CDH12: variants seen among roughly 807,000 people sequenced by gnomAD.
CDH12 encodes cadherin-12.
A neutral mutation model predicts 74.1 loss-of-function variants in CDH12; 41 were observed. The observed-to-expected ratio is 0.55, with a 90% CI of 0.43 to 0.72. The LOEUF (loss-of-function observed/expected upper bound fraction) is 0.72. Ranked by LOEUF, CDH12 falls within the 30% of genes least tolerant of loss-of-function variation. The pLI is 0.00. For synonymous variants in CDH12, 399 were observed against 355.0 expected (o/e 1.12, Z -1.39); for missense variants, 945 against 977.2 (o/e 0.97, Z 0.44).
At chr5:21,917,096 A>AT (rs935464466) in intron 6 of CDH12, among the ~76,000 whole-genome samples, 1 of 151,726 alleles carries the variant, frequency 6.6e-6, no homozygotes, top group African/African-American at 2.4e-5. Context: ...CACCTTTAAC[A>AT]TTTTTCAGGT....
At chr5:22,721,430 A>C (rs1743879059) in intron 1 of CDH12, among the ~76,000 whole-genome samples, 1 of 152,244 alleles carries the variant, frequency 6.6e-6, no homozygotes, top group African/African-American at 2.4e-5. Context: ...GAATGGCAGC[A>C]TTTACTTAAT....
chr5:22,456,419 G>A (rs1371377065), intron 2 of CDH12, among the ~76,000 whole-genome samples: 4 of 151,788 alleles, frequency 2.6e-5, no homozygotes, highest in East Asian at 1.9e-4. Flanking sequence ...CCAGGTCCTG[G>A]GAACTTCACA....
At chr5:22,384,750 C>A (rs1741929334) in intron 3 of CDH12, among the ~76,000 whole-genome samples, 1 of 151,904 alleles carries the variant, frequency 6.6e-6, no homozygotes, top group Non-Finnish European at 1.5e-5. Flanking sequence ...ATGCAATAGT[C>A]TTGATTAATA....
At chr5:22,509,698 G>A (rs149462966) in intron 1 of CDH12, among the ~76,000 whole-genome samples, 50 of 152,232 alleles carry the variant, frequency 3.3e-4, no homozygotes, top group East Asian at 3.1e-3. Context: ...CATGGAATGG[G>A]AATTAGAAGA....
At chr5:22,810,264 A>C (rs1226902809) in intron 1 of CDH12, among the ~76,000 whole-genome samples, 1 of 152,178 alleles carries the variant, frequency 6.6e-6, no homozygotes, top group Non-Finnish European at 1.5e-5. Context: ...TATACCGAGC[A>C]CACCAAAAAT....
chr5:22,620,387 G>A (rs1400949065), intron 1 of CDH12, among the ~76,000 whole-genome samples: 2 of 151,904 alleles, frequency 1.3e-5, no homozygotes, highest in South Asian at 4.1e-4. Flanking sequence ...TATTAGGAAG[G>A]TACAACAGTT....
At chr5:21,895,822 T>A (rs1579926350) in intron 6 of CDH12, among the ~76,000 whole-genome samples, 1 of 152,108 alleles carries the variant, frequency 6.6e-6, no homozygotes, top group East Asian at 1.9e-4. Context: ...TAACTGTGCA[T>A]GAGGGTACAG....
chr5:21,858,760 A>G (rs559602612), intron 6 of CDH12, among the ~76,000 whole-genome samples: 1 of 152,104 alleles, frequency 6.6e-6, no homozygotes, highest in South Asian at 2.1e-4. Context: ...GAGATTTTAG[A>G]TGGTAATCAG....
intron 3 of CDH12, among the ~76,000 whole-genome samples, chr5:22,237,988 CCTTCT>C (rs1752619876): frequency 6.6e-6 from 1 of 152,146 alleles, no homozygotes. Context: ...AAGCGATTGA[CCTTCT>C]CTTCTCACTG....
chr5:22,698,822 A>G (rs1297782856), intron 1 of CDH12, among the ~76,000 whole-genome samples: 1 of 148,590 alleles, frequency 6.7e-6, no homozygotes, highest in Non-Finnish European at 1.5e-5. Context: ...GCAGTTCAAC[A>G]ATAAAAACTA....
At chr5:22,132,960 C>T (rs1477944312) in intron 4 of CDH12, among the ~76,000 whole-genome samples, 1 of 152,076 alleles carries the variant, frequency 6.6e-6, no homozygotes, top group East Asian at 1.9e-4. Flanking sequence ...ATCACACATT[C>T]CACTCCAAAA....
At chr5:22,628,070 T>G in intron 1 of CDH12, among the ~76,000 whole-genome samples, 1 of 152,134 alleles carries the variant, frequency 6.6e-6, no homozygotes, top group African/African-American at 2.4e-5. Flanking sequence ...AATATACATA[T>G]GCACCCAACA....
chr5:22,349,300 CTG>C (rs1247040818), intron 3 of CDH12, among the ~76,000 whole-genome samples: 2 of 152,150 alleles, frequency 1.3e-5, no homozygotes, highest in Non-Finnish European at 2.9e-5. Context: ...GACTGAACCA[CTG>C]TGTGGAAGAG....
chr5:22,701,722 G>T (rs977908197), intron 1 of CDH12, among the ~76,000 whole-genome samples: 2 of 152,016 alleles, frequency 1.3e-5, no homozygotes, highest in African/African-American at 4.8e-5. Flanking sequence ...TTCAATCTCA[G>T]TTCAAACACT....
intron 3 of CDH12, among the ~76,000 whole-genome samples, chr5:22,275,336 GA>G (rs1425631707): frequency 6.7e-6 from 1 of 148,658 alleles, no homozygotes; most frequent in African/African-American, 2.5e-5. Flanking sequence ...CATGAAAGTT[GA>G]AAAAAAAAGA....
chr5:22,326,064 T>C (rs1739083366), intron 3 of CDH12, among the ~76,000 whole-genome samples: 1 of 152,222 alleles, frequency 6.6e-6, no homozygotes, highest in African/African-American at 2.4e-5. Context: ...ATATCATATA[T>C]GTCACTGTGA....
At chr5:22,808,548 T>C (rs1373216918) in intron 1 of CDH12, among the ~76,000 whole-genome samples, 1 of 151,940 alleles carries the variant, frequency 6.6e-6, no homozygotes, top group African/African-American at 2.4e-5. Context: ...CAGCCTGCAA[T>C]TTAACTATTT....
intron 8 of CDH12, among the ~76,000 whole-genome samples, chr5:21,832,637 T>C (rs993455837): frequency 6.6e-6 from 1 of 150,380 alleles, no homozygotes. Context: ...CCTGTAGGAA[T>C]ACAATTTTGC....
chr5:21,800,796 G>T (rs1747069000), intron 10 of CDH12, among the ~76,000 whole-genome samples: 1 of 152,196 alleles, frequency 6.6e-6, no homozygotes, highest in African/African-American at 2.4e-5. Context: ...GCTCATGATA[G>T]TGAGTGAGTT....
Sources: gnomAD v4.1 joint callset for allele counts (sites outside exome capture counted in the v4.1 genomes callset) on GRCh38, gnomAD v4.1.1 for gene constraint, MANE v1.5 for transcripts, NCBI Gene and HGNC (gene_info 2026-07-23, HGNC 2026-07-21) for gene names.